Variants in S100A13 observed in about 807,000 individuals in gnomAD.
The protein encoded by S100A13 is S100 calcium binding protein A13, also known as protein S100-A13.
A neutral mutation model predicts 8.2 loss-of-function variants in S100A13; 6 were observed. The ratio of observed to expected loss-of-function variants is 0.73; its 90% CI spans 0.40 to 1.44. S100A13 has a LOEUF of 1.44. Among genes scored for constraint, S100A13 ranks in the 40% most tolerant of loss-of-function variants. The probability of loss-of-function intolerance (pLI) is 0.02; values close to 1 mark genes in which losing one functional copy is unlikely to be tolerated. For synonymous variants in S100A13, 39 were observed against 45.9 expected (o/e 0.85, Z 0.61); for missense variants, 114 against 113.6 (o/e 1.00, Z -0.02).
chr1:153,630,349 C>A, upstream of S100A13: 1 of 918,032 alleles, frequency 1.1e-6, no homozygotes, highest in Non-Finnish European at 1.6e-6. Flanking sequence ...TGGGGTTTCC[C>A]TCACATTGTA....
upstream of S100A13, chr1:153,627,885 C>T (rs1038741366): frequency 3.9e-6 from 3 of 777,942 alleles, no homozygotes; most frequent in African/African-American, 5.3e-5. Context: ...ACAGAGGCCC[C>T]TTGGAATGAG....
chr1:153,632,663 C>A (rs1192573289), upstream of S100A13, among the ~76,000 whole-genome samples: 1 of 152,042 alleles, frequency 6.6e-6, no homozygotes. Context: ...AGCAAAATAA[C>A]CACGATCCTT....
At chr1:153,631,879 C>T (rs760710326), upstream of S100A13, 113 of 1,601,016 alleles carry the variant, frequency 7.1e-5, no homozygotes, top group Non-Finnish European at 8.6e-5. Flanking sequence ...TCCTCTCCAC[C>T]CTCCCAGACC....
chr1:153,629,980 C>T (rs138250559), upstream of S100A13: 868 of 157,312 alleles, frequency 5.5e-3, 10 homozygotes, highest in African/African-American at 0.018. Flanking sequence ...ACTGGGGCTG[C>T]CATCCCCTCT....
At chr1:153,629,760 A>C (rs1667900995), upstream of S100A13, 1 of 152,346 alleles carries the variant, frequency 6.6e-6, no homozygotes, top group South Asian at 2.1e-4. Flanking sequence ...CTCTGGCTCC[A>C]AGGAAAAGGC....
chr1:153,619,103 A>G, intron 2 of S100A13, 65 bp from the exon 3 acceptor site: 1 of 1,432,538 alleles, frequency 7.0e-7, no homozygotes, highest in South Asian at 1.2e-5. Context: ...TAGGGAGGGA[A>G]GAACTGTCAG....
upstream of S100A13, chr1:153,632,912 G>GTAGTCCCAGCAA (rs1668109354): frequency 6.6e-6 from 1 of 152,212 alleles, no homozygotes; most frequent in Admixed American, 6.5e-5. Flanking sequence ...GCTCACGACT[G>GTAGTCCCAGCAA]TAGTCCCAGC....
In S100A13 at chr1:153,618,870, C is replaced by A. The variant is rs73009975; in HGVS notation, c.*25G>T. 4.9e-4 allele frequency: 787 copies of A among 1,612,470 alleles called. 3 individuals carry two copies. In the African/African-American group the frequency reaches 9.6e-3, roughly 20 times the overall value. On this transcript the variant is annotated 3_prime_UTR_variant, in exon 3 of 3. Transcript: ENST00000476133. ...CTCGGCCCTGATCAGCTCTGCCCTG[C>A]CCACCCCATCTCAGCCAGGCGGCTT... is the stretch of plus-strand genomic sequence containing the variant.
At chr1:153,623,722 T>G (rs940741792) in intron 2 of S100A13, among the ~76,000 whole-genome samples, 3 of 152,212 alleles carry the variant, frequency 2.0e-5, no homozygotes, top group Non-Finnish European at 4.4e-5. Context: ...CTGAAAGAAC[T>G]GGTAAATGAA....
At chr1:153,628,544 G>T (rs932678091), upstream of S100A13, 9 of 1,548,192 alleles carry the variant, frequency 5.8e-6, no homozygotes, top group African/African-American at 9.6e-5. Flanking sequence ...CCAGCTTCAG[G>T]GAGAGGGGTC....
At chr1:153,622,288 T>C (rs1340070766) in intron 2 of S100A13, among the ~76,000 whole-genome samples, 1 of 152,012 alleles carries the variant, frequency 6.6e-6, no homozygotes, top group African/African-American at 2.4e-5. Flanking sequence ...GGAAAATCGC[T>C]TGAACCTGGG....
chr1:153,621,683 A>G (rs926847172), intron 2 of S100A13, among the ~76,000 whole-genome samples: 1 of 147,304 alleles, frequency 6.8e-6, no homozygotes, highest in Non-Finnish European at 1.5e-5. Flanking sequence ...CTGCTGCTCA[A>G]AAAAAAAAAG....
Position 153,626,399 on chromosome 1 carries a change from C to T in S100A13, c.74G>A (p.Arg25Lys). 1.9e-6 allele frequency: 3 copies of T among 1,614,196 alleles called. No individual in the cohort carries two copies. Among genetic ancestry groups the T allele is most frequent in the Non-Finnish European group, 2.5e-6 (3 of 1,180,044 alleles). The change falls in exon 2 of 3, where the codon AGG (arginine) becomes AAG (lysine). Residue 25 changes from arginine to lysine, a missense_variant. Coordinates refer to ENST00000476133, the MANE Select transcript of S100A13 (RefSeq NM_001024211.2). ...GAGGCTATCCTTCCGGCCCTCCTGC[C>T]TTGCAAAGGTGAAGAAGGTGGTGAC... ...TVVTTFFTFA[R>K]QEGRKDSLSV... is the part of the protein sequence containing the mutation.
At chr1:153,624,347 A>C in intron 2 of S100A13, among the ~76,000 whole-genome samples, 1 of 152,204 alleles carries the variant, frequency 6.6e-6, no homozygotes, top group East Asian at 1.9e-4. Flanking sequence ...TGAGAATAAC[A>C]ACAGAAGCAG....
upstream of S100A13, chr1:153,630,891 CAAT>C: frequency 5.8e-6 from 3 of 515,826 alleles, no homozygotes; most frequent in African/African-American, 3.8e-5. Flanking sequence ...GTAGATTCAT[CAAT>C]AATAAGACAC....
chr1:153,627,353 C>A (rs925829532), intron 1 of S100A13, 130 bp downstream of exon 1: 6 of 152,386 alleles, frequency 3.9e-5, no homozygotes, highest in Non-Finnish European at 5.9e-5. Context: ...CACTCCTGCA[C>A]GCGCTGTTGC....
At chr1:153,631,421 G>A (rs1208358680), upstream of S100A13, 82 of 1,495,276 alleles carry the variant, frequency 5.5e-5, 1 homozygote, top group South Asian at 5.7e-4. Context: ...AATTAAATTA[G>A]ACAGTGCTTG....
At chr1:153,623,558 T>C (rs529334673) in intron 2 of S100A13, among the ~76,000 whole-genome samples, 1 of 152,200 alleles carries the variant, frequency 6.6e-6, no homozygotes, top group Admixed American at 6.6e-5. Flanking sequence ...GCTAATTTTT[T>C]AAATATATTT....
chr1:153,631,178 T>C (rs573922428), upstream of S100A13: 10 of 405,462 alleles, frequency 2.5e-5, no homozygotes, highest in South Asian at 2.5e-4. Context: ...TCAACTGGCA[T>C]GAAGGATGTA....
Sources: gnomAD v4.1 joint callset for allele counts (sites outside exome capture counted in the v4.1 genomes callset) on GRCh38, gnomAD v4.1.1 for gene constraint, MANE v1.5 for transcripts, NCBI Gene and HGNC (gene_info 2026-07-23, HGNC 2026-07-21) for gene names.